SUGCT: variants seen among roughly 807,000 people sequenced by gnomAD.
The protein encoded by SUGCT is succinyl-CoA:glutarate-CoA transferase, also known as succinyl-CoA:glutarate CoA-transferase.
A neutral mutation model predicts 55.0 loss-of-function variants in SUGCT; 41 were observed. That is an observed-to-expected ratio of 0.74 (90% confidence interval 0.58 to 0.97). The LOEUF is 0.97. SUGCT is among the 50% of genes least tolerant of loss of function. The probability of loss-of-function intolerance (pLI) is 0.00; values close to 1 mark genes in which losing one functional copy is unlikely to be tolerated. For missense variants in SUGCT, 568 were observed against 547.8 expected, an observed-to-expected ratio of 1.04 and a Z score of -0.37; for synonymous variants, 187 against 200.4, an observed-to-expected ratio of 0.93 and a Z score of 0.56.
At chr7:40,656,351 G>C (rs1350614027) in intron 12 of SUGCT, among the ~76,000 whole-genome samples, 1 of 151,566 alleles carries the variant, frequency 6.6e-6, no homozygotes, top group South Asian at 2.1e-4. Context: ...CCTTACTTAA[G>C]CAACAACAGA....
chr7:40,636,122 A>G (rs1254808621), intron 12 of SUGCT, among the ~76,000 whole-genome samples: 1 of 152,148 alleles, frequency 6.6e-6, no homozygotes, highest in African/African-American at 2.4e-5. Context: ...AAATGATAAC[A>G]TTTATTTTGC....
chr7:40,896,643 C>T, the SUGCT span, among the ~76,000 whole-genome samples: 5 of 152,178 alleles, frequency 3.3e-5, no homozygotes, highest in Admixed American at 2.0e-4. Flanking sequence ...GTATTTGCTT[C>T]CCCTTCCACC....
intron 7 of SUGCT, among the ~76,000 whole-genome samples, chr7:40,251,268 G>C (rs964362197): frequency 4.6e-5 from 7 of 152,034 alleles, no homozygotes; most frequent in African/African-American, 1.4e-4. Flanking sequence ...TTAACTACTT[G>C]TACTTAGTCA....
chr7:40,823,933 A>G, intron 13 of SUGCT, among the ~76,000 whole-genome samples: 1 of 152,122 alleles, frequency 6.6e-6, no homozygotes, highest in East Asian at 1.9e-4. Context: ...GCTAACGTTT[A>G]ATGATTACCT....
intron 10 of SUGCT, among the ~76,000 whole-genome samples, chr7:40,458,842 T>C (rs944687775): frequency 1.3e-5 from 2 of 152,210 alleles, no homozygotes; most frequent in African/African-American, 2.4e-5. Context: ...ATAAGACTTA[T>C]GGGCATCTTT....
At chr7:40,424,804 C>T (rs1432174862) in intron 9 of SUGCT, among the ~76,000 whole-genome samples, 1 of 152,014 alleles carries the variant, frequency 6.6e-6, no homozygotes, top group Non-Finnish European at 1.5e-5. Context: ...ACCATTCTTT[C>T]TGAGGATTGG....
chr7:40,793,599 A>T (rs1790418301), intron 13 of SUGCT, among the ~76,000 whole-genome samples: 1 of 151,936 alleles, frequency 6.6e-6, no homozygotes. Context: ...TTGTTTTTGC[A>T]GTTTTACTAA....
At chr7:40,608,151 C>T (rs1482148899) in intron 12 of SUGCT, among the ~76,000 whole-genome samples, 1 of 152,114 alleles carries the variant, frequency 6.6e-6, no homozygotes, top group Non-Finnish European at 1.5e-5. Flanking sequence ...TGTAGTATCT[C>T]GTTTCTTCCA....
At chr7:40,537,049 C>G (rs1023927094) in intron 12 of SUGCT, among the ~76,000 whole-genome samples, 3 of 152,140 alleles carry the variant, frequency 2.0e-5, no homozygotes, top group Admixed American at 6.5e-5. Flanking sequence ...ATTGTTGATT[C>G]ACACCATTGC....
chr7:40,288,164 G>A (rs1215702431), intron 8 of SUGCT, among the ~76,000 whole-genome samples: 1 of 152,020 alleles, frequency 6.6e-6, no homozygotes, highest in African/African-American at 2.4e-5. Flanking sequence ...TGTTTTTGGT[G>A]TCTGAGTAAC....
chr7:40,754,937 A>C (rs1165716995), intron 13 of SUGCT, among the ~76,000 whole-genome samples: 1 of 152,218 alleles, frequency 6.6e-6, no homozygotes, highest in East Asian at 1.9e-4. Context: ...GTGATTCATC[A>C]ACAATGCCAA....
At chr7:40,874,726 G>C in the SUGCT span, among the ~76,000 whole-genome samples, 1 of 152,182 alleles carries the variant, frequency 6.6e-6, no homozygotes, top group Admixed American at 6.5e-5. Flanking sequence ...CCTAAGAGTT[G>C]TATTGGAAGA....
chr7:40,179,880 C>T (rs1257116424), intron 1 of SUGCT, among the ~76,000 whole-genome samples: 2 of 152,178 alleles, frequency 1.3e-5, no homozygotes, highest in Admixed American at 1.3e-4. Flanking sequence ...GGCAGATGTC[C>T]AAGCCCAGTG....
intron 12 of SUGCT, among the ~76,000 whole-genome samples, chr7:40,600,797 A>G (rs1217695845): frequency 4.6e-5 from 7 of 151,624 alleles, no homozygotes; most frequent in African/African-American, 7.3e-5. Flanking sequence ...TAAAGGGAGT[A>G]GATATGTCTG....
At chr7:40,258,218 G>C (rs1790948171) in intron 7 of SUGCT, among the ~76,000 whole-genome samples, 1 of 152,030 alleles carries the variant, frequency 6.6e-6, no homozygotes, top group Non-Finnish European at 1.5e-5. Flanking sequence ...TTCATGTCCT[G>C]TCATTACTTT....
At chr7:40,301,831 C>G (rs1355739914) in intron 8 of SUGCT, among the ~76,000 whole-genome samples, 3 of 152,174 alleles carry the variant, frequency 2.0e-5, no homozygotes, top group Admixed American at 2.0e-4. Context: ...CATGCTGGGA[C>G]TTGGTTCATG....
the SUGCT span, among the ~76,000 whole-genome samples, chr7:40,905,160 C>T: frequency 1.3e-5 from 2 of 152,130 alleles, no homozygotes; most frequent in African/African-American, 4.8e-5. Flanking sequence ...AATAAATAAA[C>T]TATTCGTATT....
At chr7:40,977,775 T>C in the SUGCT span, among the ~76,000 whole-genome samples, 1 of 152,178 alleles carries the variant, frequency 6.6e-6, no homozygotes, top group African/African-American at 2.4e-5. Context: ...TCTAAATTAA[T>C]TAGAGCCAAA....
downstream of SUGCT, among the ~76,000 whole-genome samples, chr7:40,865,520 G>A (rs1794563273): frequency 6.6e-6 from 1 of 152,176 alleles, no homozygotes; most frequent in South Asian, 2.1e-4. Flanking sequence ...TTCTAAGGGG[G>A]AAAACCTAAA....
Sources: gnomAD v4.1 joint callset for allele counts (sites outside exome capture counted in the v4.1 genomes callset) on GRCh38, gnomAD v4.1.1 for gene constraint, MANE v1.5 for transcripts, NCBI Gene and HGNC (gene_info 2026-07-23, HGNC 2026-07-21) for gene names.